The following GLIS3 variants were observed in gnomAD, a reference collection of about 807,000 sequenced individuals.
GLIS3 encodes the protein GLIS family zinc finger 3, also known as zinc finger protein GLIS3.
In GLIS3, 53 loss-of-function variants were observed where a neutral mutation model predicts 78.6. The ratio of observed to expected loss-of-function variants is 0.67; its 90% CI spans 0.54 to 0.85. The LOEUF (loss-of-function observed/expected upper bound fraction) is 0.85, where lower values mean the gene tolerates loss of function less well. Among genes scored for constraint, GLIS3 ranks in the 40% least tolerant of loss-of-function variants. The probability of loss-of-function intolerance (pLI) is 0.00; values close to 1 mark genes in which losing one functional copy is unlikely to be tolerated. For synonymous variants in GLIS3, 684 were observed against 509.9 expected, an observed-to-expected ratio of 1.34 and a Z score of -4.60; for missense variants, 1,703 against 1,231.1, an observed-to-expected ratio of 1.38 and a Z score of -5.74.
At chr9:4,408,378 C>A in the GLIS3 span, among the ~76,000 whole-genome samples, 1 of 148,394 alleles carries the variant, frequency 6.7e-6, no homozygotes, top group Non-Finnish European at 1.5e-5. Flanking sequence ...GAGAATAGAA[C>A]GATGGTTACC....
chr9:4,310,836 T>G (rs1432847668), intron 2 of GLIS3, among the ~76,000 whole-genome samples: 1 of 152,200 alleles, frequency 6.6e-6, no homozygotes, highest in Non-Finnish European at 1.5e-5. Context: ...CTGAAATAAG[T>G]AAATGGGGGT....
intron 2 of GLIS3, among the ~76,000 whole-genome samples, chr9:4,251,805 G>C (rs1344454428): frequency 6.6e-6 from 1 of 152,156 alleles, no homozygotes; most frequent in Non-Finnish European, 1.5e-5. Context: ...GCCTGGTAGT[G>C]ACAAAATCTC....
chr9:4,257,084 T>C (rs1405680868), intron 2 of GLIS3, among the ~76,000 whole-genome samples: 1 of 152,202 alleles, frequency 6.6e-6, no homozygotes, highest in East Asian at 1.9e-4. Flanking sequence ...TGTACATATG[T>C]ATGCATATAT....
chr9:4,301,430 C>A (rs1817069410), upstream of GLIS3, among the ~76,000 whole-genome samples: 1 of 152,152 alleles, frequency 6.6e-6, no homozygotes, highest in South Asian at 2.1e-4. Flanking sequence ...AACAAAGAAA[C>A]CAAGTGGTGG....
intron 2 of GLIS3, among the ~76,000 whole-genome samples, chr9:4,335,626 T>C (rs1817744589): frequency 1.3e-5 from 2 of 152,196 alleles, no homozygotes; most frequent in African/African-American, 4.8e-5. Context: ...TCACCTGTAG[T>C]ACCCTAAGTA....
chr9:4,325,849 C>T (rs1444716852), intron 2 of GLIS3, among the ~76,000 whole-genome samples: 2 of 152,160 alleles, frequency 1.3e-5, no homozygotes, highest in Non-Finnish European at 2.9e-5. Context: ...GGTACATATA[C>T]ACCATGTAAT....
At chr9:4,133,073 T>C (rs964358963) in intron 2 of GLIS3, among the ~76,000 whole-genome samples, 2 of 152,222 alleles carry the variant, frequency 1.3e-5, no homozygotes, top group African/African-American at 4.8e-5. Flanking sequence ...GCTACAGAAA[T>C]GTCACAAGAA....
intron 2 of GLIS3, among the ~76,000 whole-genome samples, chr9:4,242,342 G>C (rs1431787252): frequency 6.6e-6 from 1 of 152,116 alleles, no homozygotes; most frequent in Non-Finnish European, 1.5e-5. Context: ...CCCAGGTTTG[G>C]CTATTACCCA....
the GLIS3 span, among the ~76,000 whole-genome samples, chr9:4,480,700 C>T: frequency 1.3e-5 from 2 of 150,604 alleles, no homozygotes; most frequent in African/African-American, 2.4e-5. Context: ...CTCAGGAAGG[C>T]AAAAAGAAAA....
chr9:4,192,534 T>C (rs747983017), intron 2 of GLIS3, among the ~76,000 whole-genome samples: 72 of 152,254 alleles, frequency 4.7e-4, no homozygotes, highest in Non-Finnish European at 9.1e-4. Context: ...TTTCAACCTG[T>C]GAACTCACCA....
chr9:4,162,147 G>A (rs4741897), intron 2 of GLIS3, among the ~76,000 whole-genome samples: 88,670 of 151,892 alleles, frequency 0.58, 27,334 homozygotes, highest in East Asian at 0.83. Flanking sequence ...CTCCTCTGTC[G>A]TCATGTGGTG....
At chr9:4,267,301 T>C (rs914980326) in intron 2 of GLIS3, among the ~76,000 whole-genome samples, 6 of 152,054 alleles carry the variant, frequency 3.9e-5, no homozygotes, top group African/African-American at 7.2e-5. Context: ...AGTTTATAGA[T>C]AGATTATGTA....
At chr9:4,335,027 G>C (rs1468802244) in intron 2 of GLIS3, among the ~76,000 whole-genome samples, 1 of 145,946 alleles carries the variant, frequency 6.9e-6, no homozygotes, top group African/African-American at 2.6e-5. Flanking sequence ...TCCTGCCTCA[G>C]CCTCCCGAGT....
At chr9:4,032,523 T>A (rs1823927973) in intron 4 of GLIS3, among the ~76,000 whole-genome samples, 1 of 152,180 alleles carries the variant, frequency 6.6e-6, no homozygotes, top group African/African-American at 2.4e-5. Flanking sequence ...TATTTAGAGA[T>A]GGCAGAATGG....
Position 3,827,970 on chromosome 9 carries a change from T to A in GLIS3, c.*302A>T. The A allele has an allele frequency of 2.3e-6, 1 of 431,290 alleles. No homozygotes were observed. The highest frequency in any genetic ancestry group is 2.2e-5 in the South Asian group (1 of 46,022). 26.7% of individuals were successfully genotyped at this position (431,290 alleles called of 1,614,324 possible). On this transcript the variant is annotated 3_prime_UTR_variant, in exon 11 of 11. Transcript: ENST00000381971. Reference sequence around the variant, plus strand: ...TATGCACATCATTTCACTGGGGTCCTTTAAGGGTTGACAGCCAGGAAGTAA... The same window carrying A: ...TATGCACATCATTTCACTGGGGTCCATTAAGGGTTGACAGCCAGGAAGTAA...
At chr9:4,361,396 G>C in the GLIS3 span, among the ~76,000 whole-genome samples, 1 of 152,144 alleles carries the variant, frequency 6.6e-6, no homozygotes, top group Admixed American at 6.5e-5. Context: ...GACCAATCTT[G>C]CTTCTCTTAC....
chr9:4,402,764 GA>G, the GLIS3 span, among the ~76,000 whole-genome samples: 2 of 152,064 alleles, frequency 1.3e-5, no homozygotes, highest in Non-Finnish European at 2.9e-5. Context: ...CAGGCTATTT[GA>G]AAACACACAG....
intron 4 of GLIS3, among the ~76,000 whole-genome samples, chr9:4,037,713 C>T (rs780040666): frequency 4.6e-5 from 7 of 152,144 alleles, no homozygotes; most frequent in Non-Finnish European, 1.0e-4. Flanking sequence ...CTCGGAGTCA[C>T]CATTCTCTTG....
At chr9:4,466,530 A>G in the GLIS3 span, among the ~76,000 whole-genome samples, 2 of 152,138 alleles carry the variant, frequency 1.3e-5, no homozygotes, top group Non-Finnish European at 2.9e-5. Flanking sequence ...CATAGATATA[A>G]AATTTTTTTA....
Sources: gnomAD v4.1 joint callset for allele counts (sites outside exome capture counted in the v4.1 genomes callset) on GRCh38, gnomAD v4.1.1 for gene constraint, MANE v1.5 for transcripts, NCBI Gene and HGNC (gene_info 2026-07-23, HGNC 2026-07-21) for gene names.